Variants in NKAIN3 observed in about 807,000 individuals in gnomAD.
The protein encoded by NKAIN3 is sodium/potassium transporting ATPase interacting 3.
In NKAIN3, 25 loss-of-function variants were observed where a neutral mutation model predicts 30.2. The ratio of observed to expected loss-of-function variants is 0.83; its 90% CI spans 0.60 to 1.16. NKAIN3 has a LOEUF of 1.16. NKAIN3 is among the 50% of genes most tolerant of loss of function. The pLI, the probability that NKAIN3 is intolerant of heterozygous loss-of-function variation, is 0.00. For missense variants in NKAIN3, 225 were observed against 254.1 expected (o/e 0.89, Z 0.78); for synonymous variants, 91 against 89.6 (o/e 1.02, Z -0.09).
At chr8:62,329,848 A>G (rs1037326322) in intron 1 of NKAIN3, among the ~76,000 whole-genome samples, 3 of 152,052 alleles carry the variant, frequency 2.0e-5, no homozygotes, top group African/African-American at 7.2e-5. Flanking sequence ...TCCTTTGAGT[A>G]TATACCCAGT....
chr8:62,821,660 C>T (rs746510999), intron 4 of NKAIN3, among the ~76,000 whole-genome samples: 5 of 152,050 alleles, frequency 3.3e-5, no homozygotes, highest in Non-Finnish European at 5.9e-5. Context: ...GTGTCCTGAT[C>T]TACATCTTTA....
At chr8:62,254,921 C>T (rs568463635) in intron 1 of NKAIN3, among the ~76,000 whole-genome samples, 5 of 152,302 alleles carry the variant, frequency 3.3e-5, no homozygotes, top group Admixed American at 6.5e-5. Flanking sequence ...ATAGACCCTT[C>T]AGTTAACAGA....
chr8:62,401,073 C>T (rs1803852426), intron 1 of NKAIN3, among the ~76,000 whole-genome samples: 1 of 148,140 alleles, frequency 6.8e-6, no homozygotes, highest in African/African-American at 2.5e-5. Context: ...CTTAGATTTT[C>T]CCTTTTGAAG....
intron 1 of NKAIN3, among the ~76,000 whole-genome samples, chr8:62,487,705 G>A (rs138256614): frequency 5.3e-5 from 8 of 152,072 alleles, no homozygotes; most frequent in African/African-American, 1.4e-4. Flanking sequence ...TAGGTAGAAG[G>A]GAATGAGTTG....
chr8:62,310,614 T>C (rs983826961), intron 1 of NKAIN3, among the ~76,000 whole-genome samples: 1 of 150,286 alleles, frequency 6.7e-6, no homozygotes, highest in Admixed American at 6.6e-5. Flanking sequence ...TCCATAAGAT[T>C]CGAAAGTGTA....
At chr8:62,883,559 T>C (rs1249805945) in intron 4 of NKAIN3, among the ~76,000 whole-genome samples, 1 of 151,356 alleles carries the variant, frequency 6.6e-6, no homozygotes, top group African/African-American at 2.4e-5. Context: ...TTATTTTTGT[T>C]GTCATATTAC....
At chr8:62,780,254 A>T (rs1817314883) in intron 4 of NKAIN3, among the ~76,000 whole-genome samples, 1 of 152,124 alleles carries the variant, frequency 6.6e-6, no homozygotes, top group Non-Finnish European at 1.5e-5. Context: ...GAAGTAGAAA[A>T]CCTGAACAGT....
chr8:62,942,172 AT>A (rs1287539213), intron 5 of NKAIN3, among the ~76,000 whole-genome samples: 11 of 37,726 alleles, frequency 2.9e-4, no homozygotes, highest in African/African-American at 1.7e-3. Flanking sequence ...TAGCTGCAAT[AT>A]ATATATATAT....
At chr8:62,774,381 T>C (rs907940208) in intron 4 of NKAIN3, among the ~76,000 whole-genome samples, 1 of 152,182 alleles carries the variant, frequency 6.6e-6, no homozygotes, top group African/African-American at 2.4e-5. Flanking sequence ...TCCTTTCCAA[T>C]TTGGATGCCC....
chr8:62,995,319 C>CTT (rs1479174484), intron 5 of NKAIN3, among the ~76,000 whole-genome samples: 1 of 152,184 alleles, frequency 6.6e-6, no homozygotes, highest in Non-Finnish European at 1.5e-5. Flanking sequence ...GTCCTCTGTA[C>CTT]TTTACAAGAG....
At chr8:62,376,235 T>A (rs1017880610) in intron 1 of NKAIN3, among the ~76,000 whole-genome samples, 1 of 152,194 alleles carries the variant, frequency 6.6e-6, no homozygotes, top group South Asian at 2.1e-4. Context: ...GGAAACACTA[T>A]GGTGTATGAA....
chr8:62,356,409 C>CATTTGTTTATGT lies in NKAIN3; in HGVS notation c.54+107294_54+107305dup, dbSNP rs370639179. On this transcript the variant is annotated intron_variant, in intron 1 of 6. Transcript: ENST00000623646. ...ATGAAAATCTACAAACCATAACTTACATTTGTTTATGTATTTGTTTATGAT... is the reference window on the plus strand; with the variant it reads ...ATGAAAATCTACAAACCATAACTTACATTTGTTTATGTATTTGTTTATGTATTTGTTTATGAT... Among the ~76,000 whole-genome samples the CATTTGTTTATGT allele has an allele frequency of 1.7e-3, 266 of 152,128 alleles. 3 individuals carry two copies. The highest frequency in any genetic ancestry group is 0.01 in the Middle Eastern group (3 of 294).
At chr8:62,843,899 A>T (rs1443701209) in intron 4 of NKAIN3, among the ~76,000 whole-genome samples, 1 of 152,100 alleles carries the variant, frequency 6.6e-6, no homozygotes, top group Non-Finnish European at 1.5e-5. Context: ...TTGCTGGTGT[A>T]TGTACCAATG....
chr8:62,371,229 T>C (rs1252373386), intron 1 of NKAIN3, among the ~76,000 whole-genome samples: 1 of 151,956 alleles, frequency 6.6e-6, no homozygotes, highest in Non-Finnish European at 1.5e-5. Flanking sequence ...TCTCTCTCCA[T>C]CTTTTCACTT....
chr8:62,440,962 C>G (rs1349319472), intron 1 of NKAIN3, among the ~76,000 whole-genome samples: 2 of 152,120 alleles, frequency 1.3e-5, no homozygotes, highest in South Asian at 2.1e-4. Context: ...CAATGCGGAA[C>G]CTGTCTTGTG....
chr8:62,598,260 G>A (rs141601765), intron 3 of NKAIN3, among the ~76,000 whole-genome samples: 2 of 152,102 alleles, frequency 1.3e-5, no homozygotes, highest in African/African-American at 4.8e-5. Context: ...GGCTGAGTTT[G>A]GGTCTTTTAT....
At chr8:62,407,396 T>A (rs991068157) in intron 1 of NKAIN3, among the ~76,000 whole-genome samples, 1 of 110,216 alleles carries the variant, frequency 9.1e-6, no homozygotes, top group Non-Finnish European at 1.7e-5. Flanking sequence ...CAAGACTAGA[T>A]AGTTGTTTTT....
chr8:62,580,943 A>G (rs909859578), intron 2 of NKAIN3, among the ~76,000 whole-genome samples: 1 of 147,396 alleles, frequency 6.8e-6, no homozygotes, highest in Non-Finnish European at 1.5e-5. Context: ...CAGTGTCTAC[A>G]AAAAAATACA....
rs142142159 is a variant in NKAIN3 at position 62,843,059 on chromosome 8, A to T, written c.472-75394A>T. ...AAGAAACGATGAACAAAGTGAAGAG[A>T]CAACCCATGCAATGAGAAAAATATT... On this transcript the variant is annotated intron_variant, in intron 4 of 6. Transcript: ENST00000623646. Among the ~76,000 whole-genome samples the T allele has an allele frequency of 3.9e-5, 6 of 152,160 alleles. No individual in the cohort carries two copies. In the East Asian group the frequency reaches 1.2e-3, roughly 30 times the overall value.
Sources: gnomAD v4.1 joint callset for allele counts (sites outside exome capture counted in the v4.1 genomes callset) on GRCh38, gnomAD v4.1.1 for gene constraint, MANE v1.5 for transcripts, NCBI Gene and HGNC (gene_info 2026-07-23, HGNC 2026-07-21) for gene names.